The following CYP11A1 variants were observed in gnomAD, a reference collection of about 807,000 sequenced individuals.
CYP11A1 encodes cholesterol side-chain cleavage enzyme, mitochondrial.
In CYP11A1, 25 loss-of-function variants were observed where a neutral mutation model predicts 51.9. The observed-to-expected ratio is 0.48, with a 90% confidence interval of 0.35 to 0.67. The LOEUF (loss-of-function observed/expected upper bound fraction) is 0.67. Ranked by LOEUF, CYP11A1 falls within the 30% of genes least tolerant of loss-of-function variation. CYP11A1 has a pLI of 0.00. For missense variants in CYP11A1, 578 were observed against 680.9 expected (o/e 0.85, Z 1.68); for synonymous variants, 245 against 262.1 (o/e 0.93, Z 0.63).
rs764844923 is a variant in CYP11A1 at position 74,338,653 on chromosome 15, C to T, written c.1352G>A (p.Arg451Gln). The T allele has an allele frequency of 3.7e-6, 6 of 1,614,154 alleles. No homozygotes were observed. Among genetic ancestry groups the T allele is most frequent in the African/African-American group, 1.3e-5 (1 of 75,024 alleles). Residue 451 changes from arginine to glutamine, a missense_variant, in exon 8 of 9, where the codon CGG becomes CAG. Coordinates refer to ENST00000268053, the MANE Select transcript of CYP11A1 (RefSeq NM_000781.3). ...CACACCCCAGCCAAAGCCCAAGTTC[C>T]GGAAGTAGGTGATGTTCTTGTCTTT... The part of the protein sequence containing the change: ...LSKDKNITYF[R>Q]NLGFGWGVRQ...
rs2060740446 is a variant in CYP11A1 at position 74,367,534 on chromosome 15, T to C, written c.52A>G (p.Thr18Ala). 1.2e-6 allele frequency: 2 copies of C among 1,614,024 alleles called. No individual in the cohort carries two copies. Among genetic ancestry groups the C allele is most frequent in the Admixed American group, 1.7e-5 (1 of 60,006 alleles). ...CCCTCCCTGGGGGCACTCAGAAAGG[T>C]CTGGCAGCCTTTGACCAGGACTGAG... ...PRSVLVKGCQ[T>A]FLSAPREGLG... Residue 18 changes from threonine (T) to alanine (A), a missense_variant, in exon 1 of 9, where the codon ACC becomes GCC. By Grantham distance (58) the Thr-to-Ala change is moderately conservative. Coordinates refer to ENST00000268053, the MANE Select transcript of CYP11A1 (RefSeq NM_000781.3).
intron 1 of CYP11A1, chr15:74,361,825 A>C: frequency 8.5e-7 from 1 of 1,178,110 alleles, no homozygotes; most frequent in South Asian, 1.2e-5. Flanking sequence ...ATCCTAAGGC[A>C]TACACGTCCT....
At chr15:74,343,261 G>C in intron 4 of CYP11A1, 124 bp from the exon 5 acceptor site, 1 of 950,428 alleles carries the variant, frequency 1.1e-6, no homozygotes, top group Non-Finnish European at 1.7e-6. Context: ...TTCTTAGGCT[G>C]CCGTTTTACT....
chr15:74,338,326 C>T, intron 8 of CYP11A1: 1 of 707,068 alleles, frequency 1.4e-6, no homozygotes, highest in South Asian at 1.7e-5. Flanking sequence ...AAACCTCAGT[C>T]CTATCCCATC....
chr15:74,356,762 T>C (rs2060682019), intron 1 of CYP11A1, among the ~76,000 whole-genome samples: 1 of 152,070 alleles, frequency 6.6e-6, no homozygotes, highest in African/African-American at 2.4e-5. Context: ...TTGCCACCCT[T>C]TTCCCCAGTT....
At chr15:74,358,679 A>G (rs1049725571) in intron 1 of CYP11A1, among the ~76,000 whole-genome samples, 1 of 152,238 alleles carries the variant, frequency 6.6e-6, no homozygotes, top group Non-Finnish European at 1.5e-5. Flanking sequence ...CCGGTTGGGT[A>G]GAGACCTTTC....
chr15:74,345,016 A>G lies in CYP11A1; in HGVS notation c.625+28T>C. On this transcript the variant is annotated intron_variant, in intron 3 of 8. Transcript: ENST00000268053. The surrounding 1 kb of genome is among the most constrained non-coding windows in gnomAD (Gnocchi z 4.3). ...ACTGAGTCCTCCCACCCCCATGCCC[A>G]CTGCCAGCCAGGTGCAAGCCCCCTT... 1 of 1,606,600 alleles carries G rather than the reference A, an allele frequency of 6.2e-7. No homozygotes were observed.
chr15:74,355,324 C>T lies in CYP11A1; in HGVS notation c.270-7269G>A, dbSNP rs565533409. On this transcript the variant is annotated intron_variant, in intron 1 of 8. Coordinates refer to ENST00000268053, the MANE Select transcript of CYP11A1 (RefSeq NM_000781.3). ...CCAAATAGCCAGAAAACGGCACTTT[C>T]GATTTCTCCATCCTACAAGATCTAG... Among the ~76,000 whole-genome samples, 461 of 152,282 alleles carry T rather than the reference C, an allele frequency of 3.0e-3. 2 individuals are homozygous for T. Among genetic ancestry groups the T allele is most frequent in the African/African-American group, 0.011 (440 of 41,548 alleles).
At chr15:74,362,521 T>A (rs2060713449) in intron 1 of CYP11A1, 1 of 156,650 alleles carries the variant, frequency 6.4e-6, no homozygotes, top group Non-Finnish European at 1.4e-5. Flanking sequence ...CCTTGCCATC[T>A]ACACTATAAC....
At chr15:74,341,449 T>G (rs984525551) in intron 5 of CYP11A1, among the ~76,000 whole-genome samples, 1 of 152,216 alleles carries the variant, frequency 6.6e-6, no homozygotes, top group African/African-American at 2.4e-5. Flanking sequence ...GGGCTTGACA[T>G]GTGCTTCTCC....
chr15:74,342,510 G>A (rs979050146), intron 5 of CYP11A1, among the ~76,000 whole-genome samples: 15 of 152,202 alleles, frequency 9.9e-5, no homozygotes, highest in Admixed American at 9.8e-4. Context: ...AGGGGAGGAG[G>A]AAGGACAACA....
chr15:74,338,270 T>A, intron 8 of CYP11A1, 167 bp from the exon 9 acceptor site: 1 of 810,368 alleles, frequency 1.2e-6, no homozygotes, highest in Non-Finnish European at 2.0e-6. Context: ...AATGCACCCT[T>A]AGTGCTGCAT....
intron 5 of CYP11A1, 42 bp from the exon 6 acceptor site, chr15:74,339,795 C>T (rs1459345934): frequency 2.5e-6 from 4 of 1,607,084 alleles, no homozygotes; most frequent in South Asian, 2.2e-5. Context: ...GAGGGCCTGT[C>T]ACTCCGGGGC....
chr15:74,342,901 GACA>G, intron 5 of CYP11A1, 73 bp downstream of exon 5: 3 of 1,500,580 alleles, frequency 2.0e-6, no homozygotes, highest in Admixed American at 1.7e-5. Flanking sequence ...CAGGGTTTCA[GACA>G]ACGAGGGGCC....
chr15:74,343,711 A>G (rs1420346774), intron 4 of CYP11A1, 78 bp downstream of exon 4: 8 of 1,321,988 alleles, frequency 6.1e-6, no homozygotes, highest in African/African-American at 1.4e-5. Context: ...GTCAGCGCCC[A>G]TTGACATAGC....
rs202246326 is a variant in CYP11A1 at position 74,339,686 on chromosome 15, C to T, written c.1058G>A (p.Arg353Gln). Residue 353 changes from arginine to glutamine, a missense_variant, in exon 6 of 9, where the codon CGG becomes CAG. Physicochemically the swap from Arg to Gln is conservative, Grantham distance 43 (BLOSUM62 1). Transcript: ENST00000268053. The stretch of plus-strand genomic sequence containing the variant: ...GTGCCGCGCAGCCAAGACCTCTGCC[C>T]GCAGCATATCCTGCACCTTCAGGTT... ...ARNLKVQDML[R>Q]AEVLAARHQA... is the part of the protein sequence containing the mutation. 148 of 1,614,092 alleles carry T rather than the reference C, an allele frequency of 9.2e-5. No homozygotes were observed. The highest frequency in any genetic ancestry group is 1.1e-4 in the Non-Finnish European group (127 of 1,180,026).
At chr15:74,338,144 G>A (rs367747456) in intron 8 of CYP11A1, 41 bp from the exon 9 acceptor site, 1 of 1,613,544 alleles carries the variant, frequency 6.2e-7, no homozygotes, top group African/African-American at 1.3e-5. Flanking sequence ...GGGCAGGGGA[G>A]GATCTGTCTC....
At chr15:74,362,129 T>C (rs560893674) in intron 1 of CYP11A1, 2 of 807,606 alleles carry the variant, frequency 2.5e-6, no homozygotes, top group African/African-American at 3.4e-5. Context: ...TTGCTCGCAG[T>C]ATCCTAGAAT....
Position 74,345,302 on chromosome 15 carries a change from A to C in CYP11A1, c.426-59T>G. 1 of 1,588,388 alleles carries C rather than the reference A, an allele frequency of 6.3e-7. No individual in the cohort carries two copies. The highest frequency in any genetic ancestry group is 8.6e-7 in the Non-Finnish European group (1 of 1,157,962). ...CACAGACCCCAGGCCTGGTGAACAC[A>C]GAGGGGGCTGACTCAGTTTTCCCAG... On this transcript the variant is annotated intron_variant, in intron 2 of 8. Coordinates refer to ENST00000268053, the MANE Select transcript of CYP11A1 (RefSeq NM_000781.3). The surrounding 1 kb of genome is among the most constrained non-coding windows in gnomAD (Gnocchi z 4.3).
Sources: gnomAD v4.1 joint callset for allele counts (sites outside exome capture counted in the v4.1 genomes callset) on GRCh38, gnomAD v4.1.1 for gene constraint, Gnocchi (gnomAD v3.1) non-coding constraint, MANE v1.5 for transcripts, NCBI Gene and HGNC (gene_info 2026-07-23, HGNC 2026-07-21) for gene names.